The following CSRP3 variants were observed in gnomAD, a reference collection of about 807,000 sequenced individuals.
The protein encoded by CSRP3 is cysteine and glycine-rich protein 3.
Under a neutral mutation model 24.3 loss-of-function variants are expected in CSRP3, and 24 were observed. The ratio of observed to expected loss-of-function variants is 0.99; its 90% CI spans 0.71 to 1.39. The LOEUF (loss-of-function observed/expected upper bound fraction) is 1.39, where lower values mean the gene tolerates loss of function less well. Ranked by LOEUF, CSRP3 falls within the 40% of genes most tolerant of loss-of-function variation. CSRP3 has a pLI of 0.00. For missense variants in CSRP3, 240 were observed against 249.0 expected (o/e 0.96, Z 0.24); for synonymous variants, 105 against 94.0 (o/e 1.12, Z -0.68).
At chr11:19,194,202 A>C (rs530659912) in intron 1 of CSRP3, among the ~76,000 whole-genome samples, 306 of 152,302 alleles carry the variant, frequency 2.0e-3, no homozygotes, top group Non-Finnish European at 3.8e-3. Context: ...CAGAAAGTAA[A>C]TAGCAAACAG....
At chr11:19,189,330 G>C (rs1408489931) in intron 2 of CSRP3, among the ~76,000 whole-genome samples, 1 of 152,154 alleles carries the variant, frequency 6.6e-6, no homozygotes, top group African/African-American at 2.4e-5. Context: ...GGACCTATTA[G>C]CATAGCATTA....
rs528374304 is a variant in CSRP3 at position 19,184,863 on chromosome 11, G to A, written c.508+89C>T. On this transcript the variant is annotated intron_variant, in intron 5 of 5. Transcript: ENST00000265968. ...AGCAGCCATACCTCCTGGAAGACACGGGAAGACCTCCAGGCATGAACGTAA... is the reference window on the plus strand; with the variant it reads ...AGCAGCCATACCTCCTGGAAGACACAGGAAGACCTCCAGGCATGAACGTAA... 93 of 998,784 alleles carry A rather than the reference G, an allele frequency of 9.3e-5. 1 individual carries two copies. The Middle Eastern group carries it at 6.2e-3, about 66-fold the overall frequency. 61.9% of individuals were successfully genotyped at this position (998,784 alleles called of 1,614,324 possible).
chr11:19,184,051 T>C (rs1263755112), intron 5 of CSRP3, among the ~76,000 whole-genome samples: 3 of 152,184 alleles, frequency 2.0e-5, no homozygotes, highest in Non-Finnish European at 4.4e-5. Context: ...GTGAGTCCAT[T>C]AAACCTCTTT....
At chr11:19,192,996 G>A (rs1411882827) in intron 1 of CSRP3, among the ~76,000 whole-genome samples, 1 of 152,148 alleles carries the variant, frequency 6.6e-6, no homozygotes, top group Non-Finnish European at 1.5e-5. Flanking sequence ...CAATATTGAT[G>A]CTGCTGGCAG....
At chr11:19,198,275 C>T (rs1016525986) in intron 1 of CSRP3, among the ~76,000 whole-genome samples, 1 of 152,192 alleles carries the variant, frequency 6.6e-6, no homozygotes, top group Non-Finnish European at 1.5e-5. Context: ...GTATCTCATG[C>T]TCCTGTTTAT....
At chr11:19,184,329 C>T (rs1368700158) in intron 5 of CSRP3, among the ~76,000 whole-genome samples, 1 of 152,116 alleles carries the variant, frequency 6.6e-6, no homozygotes, top group Non-Finnish European at 1.5e-5. Context: ...TTGATAGTGT[C>T]AAGAAGGAGC....
chr11:19,193,178 GA>G (rs1179346948), intron 1 of CSRP3, among the ~76,000 whole-genome samples: 1 of 152,164 alleles, frequency 6.6e-6, no homozygotes, highest in Non-Finnish European at 1.5e-5. Flanking sequence ...TCAGTAGTTG[GA>G]AACTTGCTTT....
At chr11:19,184,294 C>A (rs1850488240) in intron 5 of CSRP3, among the ~76,000 whole-genome samples, 1 of 152,154 alleles carries the variant, frequency 6.6e-6, no homozygotes, top group African/African-American at 2.4e-5. Flanking sequence ...GGACGCATTG[C>A]CTTGGCCCTA....
intron 1 of CSRP3, among the ~76,000 whole-genome samples, chr11:19,198,086 T>A (rs1209810255): frequency 6.6e-6 from 1 of 152,226 alleles, no homozygotes; most frequent in Non-Finnish European, 1.5e-5. Context: ...GCTTTACATA[T>A]ATTATTTTAT....
chr11:19,188,427 G>T, intron 2 of CSRP3, 123 bp from the exon 3 acceptor site: 1 of 910,168 alleles, frequency 1.1e-6, no homozygotes, highest in Non-Finnish European at 1.7e-6. Flanking sequence ...AGAATACAAT[G>T]TTGATTCCTG....
intron 1 of CSRP3, among the ~76,000 whole-genome samples, chr11:19,198,857 G>T (rs1333442652): frequency 2.0e-5 from 3 of 152,196 alleles, no homozygotes; most frequent in African/African-American, 4.8e-5. Context: ...AGGCTTGTCT[G>T]GGAAGGTTGT....
At chr11:19,188,503 G>A (rs1353665071) in intron 2 of CSRP3, among the ~76,000 whole-genome samples, 199 bp from the exon 3 acceptor site, 1 of 152,112 alleles carries the variant, frequency 6.6e-6, no homozygotes, top group African/African-American at 2.4e-5. Context: ...ACAAAATTGG[G>A]TTCAGTGGTT....
intron 5 of CSRP3, among the ~76,000 whole-genome samples, chr11:19,184,412 A>G (rs1590102540): frequency 6.6e-6 from 1 of 152,310 alleles, no homozygotes; most frequent in African/African-American, 2.4e-5. Context: ...AAGGACCAGG[A>G]GGAAAACCAG....
intron 1 of CSRP3, among the ~76,000 whole-genome samples, chr11:19,200,493 T>C (rs1011558238): frequency 6.6e-6 from 1 of 152,082 alleles, no homozygotes; most frequent in Non-Finnish European, 1.5e-5. Flanking sequence ...TCCTTCTCTC[T>C]TTCCTTCCCC....
intron 1 of CSRP3, among the ~76,000 whole-genome samples, chr11:19,193,272 A>G (rs1380110308): frequency 3.3e-5 from 5 of 152,136 alleles, no homozygotes; most frequent in Admixed American, 3.3e-4. Flanking sequence ...TCCCACCTAT[A>G]CAGTTATTCT....
chr11:19,201,473 C>A (rs192922909), intron 1 of CSRP3, among the ~76,000 whole-genome samples: 1 of 152,296 alleles, frequency 6.6e-6, no homozygotes, highest in Admixed American at 6.5e-5. Flanking sequence ...CTGTGCAGTA[C>A]TTTACAGTTT....
chr11:19,183,884 G>A (rs1040700169), intron 5 of CSRP3, among the ~76,000 whole-genome samples: 4 of 152,110 alleles, frequency 2.6e-5, no homozygotes, highest in Non-Finnish European at 5.9e-5. Flanking sequence ...ATCACTGGGC[G>A]TGCTGTTCTC....
At chr11:19,193,655 G>A (rs757042359) in intron 1 of CSRP3, among the ~76,000 whole-genome samples, 13 of 152,022 alleles carry the variant, frequency 8.6e-5, no homozygotes, top group Non-Finnish European at 1.9e-4. Context: ...CACCGTGCCC[G>A]GCCTAAACAA....
At chr11:19,189,977 G>C (rs1249667272) in intron 2 of CSRP3, among the ~76,000 whole-genome samples, 1 of 152,164 alleles carries the variant, frequency 6.6e-6, no homozygotes, top group East Asian at 1.9e-4. Context: ...TTGCATATTT[G>C]CTGATGGTCT....
Sources: allele counts gnomAD v4.1 joint callset (sites outside exome capture counted in the v4.1 genomes callset), GRCh38; gene constraint gnomAD v4.1.1; transcripts MANE v1.5; gene names NCBI Gene and HGNC (gene_info 2026-07-23, HGNC 2026-07-21).